LSAMP: variants seen among roughly 807,000 people sequenced by gnomAD.
LSAMP encodes limbic system associated membrane protein, also known as limbic system-associated membrane protein.
Under a neutral mutation model 38.6 loss-of-function variants are expected in LSAMP, and 7 were observed. The observed-to-expected ratio is 0.18, with a 90% CI of 0.10 to 0.34. LSAMP has a LOEUF of 0.34. LSAMP is among the 10% of genes least tolerant of loss of function. The pLI, the probability that LSAMP is intolerant of heterozygous loss-of-function variation, is 1.00. For synonymous variants in LSAMP, 154 were observed against 166.8 expected (o/e 0.92, Z 0.59); for missense variants, 313 against 420.0 (o/e 0.75, Z 2.23).
chr3:115,860,814 G>A (rs1292147869), intron 3 of LSAMP, among the ~76,000 whole-genome samples: 1 of 152,092 alleles, frequency 6.6e-6, no homozygotes, highest in African/African-American at 2.4e-5. Context: ...TGCAAGTGGA[G>A]AAAAAATTAG....
intron 1 of LSAMP, among the ~76,000 whole-genome samples, chr3:116,270,245 A>G (rs1007631306): frequency 1.3e-5 from 2 of 152,112 alleles, no homozygotes; most frequent in Admixed American, 1.3e-4. Flanking sequence ...TTTCACTGTG[A>G]TGATAAACGG....
At chr3:116,221,413 C>T (rs980207783) in intron 1 of LSAMP, among the ~76,000 whole-genome samples, 3 of 152,134 alleles carry the variant, frequency 2.0e-5, no homozygotes, top group African/African-American at 7.2e-5. Context: ...GCCTTGTCCA[C>T]TCTCCCATCC....
intron 1 of LSAMP, among the ~76,000 whole-genome samples, chr3:116,259,532 A>ATT (rs1314296220): frequency 6.6e-6 from 1 of 152,126 alleles, no homozygotes; most frequent in African/African-American, 2.4e-5. Context: ...TTTGTGTCAT[A>ATT]TTTTAAGACT....
intron 2 of LSAMP, among the ~76,000 whole-genome samples, chr3:116,032,585 C>T (rs545011148): frequency 6.6e-6 from 1 of 152,092 alleles, no homozygotes; most frequent in African/African-American, 2.4e-5. Flanking sequence ...AGGTGTGAAG[C>T]AGCAGTTTGA....
Position 116,062,430 on chromosome 3 carries a change from C to T in LSAMP, c.388+23894G>A, listed in dbSNP as rs972124386. ...AGGCTGAGGCAGGAGAATCGAGAAT[C>T]GCTTGAACTCAGGAGGCGGAGGTTG... On this transcript the variant is annotated intron_variant, in intron 2 of 6. Transcript: ENST00000490035. Among the ~76,000 whole-genome samples the T allele has an allele frequency of 4.6e-5, 7 of 152,288 alleles. No individual in the cohort carries two copies. In the East Asian group the frequency reaches 9.7e-4, roughly 21 times the overall value.
chr3:115,866,881 T>G (rs1935876087), intron 3 of LSAMP, among the ~76,000 whole-genome samples: 1 of 152,094 alleles, frequency 6.6e-6, no homozygotes, highest in South Asian at 2.1e-4. Flanking sequence ...GGTTATACCT[T>G]TTATCAGCTA....
chr3:116,386,017 T>C (rs1225343987), intron 1 of LSAMP, among the ~76,000 whole-genome samples: 1 of 152,132 alleles, frequency 6.6e-6, no homozygotes, highest in Non-Finnish European at 1.5e-5. Flanking sequence ...TATTATCTTA[T>C]TTAATCCTCA....
At chr3:116,410,276 A>G (rs1163918025) in intron 1 of LSAMP, among the ~76,000 whole-genome samples, 5 of 151,998 alleles carry the variant, frequency 3.3e-5, no homozygotes, top group African/African-American at 1.2e-4. Context: ...ACCTCACTAA[A>G]TAGAGGCTTA....
At chr3:116,290,330 C>T (rs1290541520) in intron 1 of LSAMP, among the ~76,000 whole-genome samples, 2 of 152,102 alleles carry the variant, frequency 1.3e-5, no homozygotes, top group Non-Finnish European at 2.9e-5. Context: ...AATTTCACTC[C>T]TTATGTTGTA....
intron 2 of LSAMP, among the ~76,000 whole-genome samples, chr3:116,031,551 T>TTG: frequency 2.7e-5 from 1 of 36,814 alleles, no homozygotes; most frequent in Non-Finnish European, 5.6e-5. Flanking sequence ...TTTTTTTTTT[T>TTG]TTTTTTTTTT....
chr3:116,383,932 T>C (rs1290946146), intron 1 of LSAMP, among the ~76,000 whole-genome samples: 3 of 152,132 alleles, frequency 2.0e-5, no homozygotes, highest in African/African-American at 4.8e-5. Flanking sequence ...AGTTGGCTCA[T>C]TAGTGTATTG....
At chr3:115,816,981 T>A (rs184707837) in intron 6 of LSAMP, among the ~76,000 whole-genome samples, 3 of 152,230 alleles carry the variant, frequency 2.0e-5, no homozygotes, top group Non-Finnish European at 4.4e-5. Flanking sequence ...AATAATAGAA[T>A]GTGTCCGATC....
chr3:116,242,216 G>A (rs1306387746), intron 1 of LSAMP, among the ~76,000 whole-genome samples: 1 of 152,168 alleles, frequency 6.6e-6, no homozygotes, highest in Admixed American at 6.5e-5. Flanking sequence ...GGGAAAAATC[G>A]AGGTCTCCAC....
intron 6 of LSAMP, among the ~76,000 whole-genome samples, chr3:115,823,995 T>A (rs1460507034): frequency 1.3e-5 from 2 of 152,198 alleles, no homozygotes; most frequent in East Asian, 3.9e-4. Flanking sequence ...GAAAGAGCAG[T>A]CTCACTAAAC....
chr3:116,317,491 G>A (rs1305866823), intron 1 of LSAMP, among the ~76,000 whole-genome samples: 1 of 152,026 alleles, frequency 6.6e-6, no homozygotes, highest in Non-Finnish European at 1.5e-5. Flanking sequence ...GAGTAGCTGG[G>A]ACTACAGGCG....
At chr3:115,911,268 C>G (rs1937127903) in intron 3 of LSAMP, among the ~76,000 whole-genome samples, 1 of 152,072 alleles carries the variant, frequency 6.6e-6, no homozygotes, top group African/African-American at 2.4e-5. Flanking sequence ...ATGGATGTAC[C>G]ACAGTTTCTT....
chr3:115,871,582 AGTGTGTGTGTGTGTGT>A (rs59830926), intron 3 of LSAMP, among the ~76,000 whole-genome samples: 3 of 144,928 alleles, frequency 2.1e-5, no homozygotes, highest in Non-Finnish European at 3.1e-5. Flanking sequence ...ACCAACGTGT[AGTGTGTGTGTGTGTGT>A]GTGTGTGTGT....
intron 3 of LSAMP, among the ~76,000 whole-genome samples, chr3:115,875,327 C>T (rs1046672949): frequency 7.2e-5 from 11 of 151,930 alleles, no homozygotes; most frequent in Non-Finnish European, 1.3e-4. Context: ...ATTGCTGTAC[C>T]GAAATATTTA....
At chr3:116,264,226 A>C (rs2046866855) in intron 1 of LSAMP, among the ~76,000 whole-genome samples, 1 of 152,196 alleles carries the variant, frequency 6.6e-6, no homozygotes, top group South Asian at 2.1e-4. Flanking sequence ...GAACCCTAAA[A>C]ATGTACTCTT....
Sources: gnomAD v4.1 joint callset for allele counts (sites outside exome capture counted in the v4.1 genomes callset) on GRCh38, gnomAD v4.1.1 for gene constraint, MANE v1.5 for transcripts, NCBI Gene and HGNC (gene_info 2026-07-23, HGNC 2026-07-21) for gene names.